AHSA1: variants seen among roughly 807,000 people sequenced by gnomAD.
AHSA1 encodes activator of HSP90 ATPase activity 1.
Under a neutral mutation model 46.1 loss-of-function variants are expected in AHSA1, and 14 were observed. The ratio of observed to expected loss-of-function variants is 0.30; its 90% confidence interval spans 0.20 to 0.47. AHSA1 has a LOEUF of 0.47. Among genes scored for constraint, AHSA1 ranks in the 20% least tolerant of loss-of-function variants. The pLI, the probability that AHSA1 is intolerant of heterozygous loss-of-function variation, is 0.99. For synonymous variants in AHSA1, 147 were observed against 145.8 expected, an observed-to-expected ratio of 1.01 and a Z score of -0.06; for missense variants, 333 against 415.9, an observed-to-expected ratio of 0.80 and a Z score of 1.73.
intron 6 of AHSA1, 60 bp downstream of exon 6, chr14:77,465,727 G>A: frequency 6.3e-7 from 1 of 1,578,450 alleles, no homozygotes; most frequent in South Asian, 1.1e-5. Flanking sequence ...ACTTGAGTTG[G>A]GGGCATATCC....
intron 2 of AHSA1, 130 bp downstream of exon 2, chr14:77,459,936 A>T (rs1486570313): frequency 2.0e-6 from 2 of 999,558 alleles, no homozygotes; most frequent in African/African-American, 3.2e-5. Flanking sequence ...TTGGAGTCCT[A>T]TGTAAAGCAG....
Position 77,458,178 on chromosome 14 carries a change from A to G in AHSA1, c.-12A>G. 1 of 1,523,474 alleles carries G rather than the reference A, an allele frequency of 6.6e-7. No homozygotes were observed. Among genetic ancestry groups the G allele is most frequent in the Non-Finnish European group, 8.8e-7 (1 of 1,137,498 alleles). 94.4% of individuals were successfully genotyped at this position (1,523,474 alleles called of 1,614,324 possible). A position where few individuals can be genotyped will look rare whatever the true frequency, so the allele number is the denominator to read the frequency against. ...CTGCTCCGGAGCTGGTGGCGCCGCG[A>G]TAGGAGAGCCGATGGCCAAGTGGGG... is the stretch of plus-strand genomic sequence containing the variant. On this transcript the variant is annotated 5_prime_UTR_variant, in exon 1 of 9. Transcript: ENST00000216479.
intron 2 of AHSA1, chr14:77,460,089 C>T: frequency 2.2e-6 from 1 of 446,432 alleles, no homozygotes; most frequent in South Asian, 2.2e-5. Context: ...GATGATATTT[C>T]TTCAGACTAG....
chr14:77,465,389 C>A, intron 5 of AHSA1, 150 bp from the exon 6 acceptor site: 1 of 835,596 alleles, frequency 1.2e-6, no homozygotes, highest in Non-Finnish European at 1.8e-6. Context: ...GAAACACCTA[C>A]ACACTCAAAT....
rs1354535132 is a variant in AHSA1 at position 77,469,424 on chromosome 14, A to G, written c.*175A>G. On this transcript the variant is annotated 3_prime_UTR_variant, in exon 9 of 9. Coordinates refer to ENST00000216479, the MANE Select transcript of AHSA1 (RefSeq NM_012111.3). The stretch of plus-strand genomic sequence containing the variant: ...TTCTGCTGGGTGGGTTCAGAGGGCA[A>G]TTTCTCTTTTATGTGTACATATGCT... 11 of 641,200 alleles carry G rather than the reference A, an allele frequency of 1.7e-5. No individual in the cohort carries two copies. Among genetic ancestry groups the G allele is most frequent in the Admixed American group, 3.1e-5 (1 of 32,382 alleles). The allele number at this position is 641,200 out of a possible 1,614,324, so 39.7% of individuals were successfully genotyped here. A position where few individuals can be genotyped will look rare whatever the true frequency, so the allele number is the denominator to read the frequency against.
chr14:77,459,788 G>A lies in AHSA1; in HGVS notation c.253G>A (p.Val85Ile), dbSNP rs370934622. The change falls in exon 2 of 9, where the codon GTC becomes ATC. Residue 85 changes from valine to isoleucine, a missense_variant. Coordinates refer to ENST00000216479, the MANE Select transcript of AHSA1 (RefSeq NM_012111.3). ...ACTTATCTTCTTTTATGAATGGAGC[G>A]TCAAACTAAACTGGACAGGTAAGTC... ...GKLIFFYEWSVKLNWTGTSKS... is the reference protein window; with the variant it reads ...GKLIFFYEWSIKLNWTGTSKS... 11 of 1,614,100 alleles carry A rather than the reference G, an allele frequency of 6.8e-6. No homozygotes were observed. The highest frequency in any genetic ancestry group is 9.3e-6 in the Non-Finnish European group (11 of 1,180,046).
rs1412088862 is a variant in AHSA1, at chr14:77,469,186, C to CTGG, written c.955_957dup (p.Trp319dup). 1 of 1,614,044 alleles carries CTGG rather than the reference C, an allele frequency of 6.2e-7. No homozygotes were observed. ...CTGAGGAAGAGCGGACGCGACAGGGCTGGCAGCGGTACTACTTTGAGGGCA... is the reference window on the plus strand; with the variant it reads ...CTGAGGAAGAGCGGACGCGACAGGGCTGGTGGCAGCGGTACTACTTTGAGGGCA... On this transcript the variant is annotated inframe_insertion, in exon 9 of 9. Coordinates refer to ENST00000216479, the MANE Select transcript of AHSA1 (RefSeq NM_012111.3).
intron 3 of AHSA1, 42 bp downstream of exon 3, chr14:77,462,284 C>G: frequency 6.4e-7 from 1 of 1,555,284 alleles, no homozygotes; most frequent in East Asian, 2.2e-5. Flanking sequence ...TCTATATCCT[C>G]TTATTCTCAG....
intron 5 of AHSA1, 123 bp downstream of exon 5, chr14:77,464,809 A>G: frequency 1.3e-6 from 1 of 798,656 alleles, no homozygotes; most frequent in Non-Finnish European, 2.0e-6. Flanking sequence ...CGATCTGCTC[A>G]TGGTGCTTTT....
chr14:77,468,721 C>CT (rs572116649), intron 8 of AHSA1: 4,260 of 223,420 alleles, frequency 0.019, 60 homozygotes, highest in Middle Eastern at 0.025. Context: ...ACCATGCCAG[C>CT]TTTTTTTTTT....
intron 3 of AHSA1, 72 bp downstream of exon 3, chr14:77,462,314 A>T (rs1002616016): frequency 2.1e-6 from 3 of 1,426,954 alleles, no homozygotes; most frequent in African/African-American, 2.8e-5. Context: ...GTGACCTGTC[A>T]TTCAGGATTC....
In AHSA1 at chr14:77,465,638, G is replaced by A. The variant is rs745821829; in HGVS notation, c.661G>A (p.Glu221Lys). The A allele has an allele frequency of 1.9e-6, 3 of 1,613,708 alleles. No homozygotes were observed. The highest frequency in any genetic ancestry group is 1.3e-5 in the African/African-American group (1 of 74,914). ...LKETFLTSPEELYRVFTTQEL... is the reference protein window; with the variant it reads ...LKETFLTSPEKLYRVFTTQEL... ...GGAAACCTTCCTGACGTCACCAGAG[G>A]AGCTCTATAGAGTGTTTACCACCCA... The change falls in exon 6 of 9, where the codon GAG becomes AAG. Residue 221 changes from glutamate to lysine, a missense_variant. By Grantham distance (56) the Glu-to-Lys change is moderately conservative (BLOSUM62 1). Transcript: ENST00000216479.
chr14:77,463,455 G>A (rs2079034272), intron 4 of AHSA1, among the ~76,000 whole-genome samples: 2 of 151,394 alleles, frequency 1.3e-5, no homozygotes, highest in Admixed American at 6.6e-5. Flanking sequence ...GCATGGTGGT[G>A]CATGCTTGTA....
intron 4 of AHSA1, 50 bp downstream of exon 4, chr14:77,462,809 T>TA (rs1434644542): frequency 1.3e-6 from 2 of 1,504,086 alleles, no homozygotes; most frequent in Non-Finnish European, 1.9e-6. Context: ...TTCCACCTGT[T>TA]AGACTCTGGT....
Position 77,465,595 on chromosome 14 carries a change from T to A in AHSA1, c.618T>A (p.Thr206=). 6.2e-7 allele frequency: 1 copy of A among 1,614,060 alleles called. No individual in the cohort carries two copies. The highest frequency in any genetic ancestry group is 8.5e-7 in the Non-Finnish European group (1 of 1,179,904). Residue 206 remains threonine, a synonymous_variant, in exon 6 of 9, where the codon ACT becomes ACA. Coordinates refer to ENST00000216479, the MANE Select transcript of AHSA1 (RefSeq NM_012111.3). ...QARPVGVKIP[T]CKITLKETFL... ...GACCTGTTGGAGTCAAAATCCCCAC[T>A]TGTAAGATCACTCTTAAGGAAACCT...
At chr14:77,462,451 G>A (rs2079029833) in intron 3 of AHSA1, 191 bp from the exon 4 acceptor site, 1 of 717,332 alleles carries the variant, frequency 1.4e-6, no homozygotes, top group Non-Finnish European at 2.4e-6. Context: ...CTAGTGACAT[G>A]GGTTCTAACT....
chr14:77,459,671 G>A lies in AHSA1; in HGVS notation c.136G>A (p.Ala46Thr), dbSNP rs2079013133. 1.9e-6 allele frequency: 3 copies of A among 1,614,194 alleles called. No homozygotes were observed. Among genetic ancestry groups the A allele is most frequent in the African/African-American group, 1.3e-5 (1 of 75,036 alleles). ...STDKLKTLFLAVQVQNEEGKC... is the reference protein window; with the variant it reads ...STDKLKTLFLTVQVQNEEGKC... ...GGATAAGCTGAAAACACTGTTCCTG[G>A]CAGTGCAGGTTCAAAATGAAGAAGG... Residue 46 changes from alanine (A) to threonine (T), a missense_variant, in exon 2 of 9, where the codon GCA becomes ACA. Transcript: ENST00000216479.
At position 77,468,518 on chromosome 14, in the gene AHSA1, C is replaced by CATATTT; in HGVS notation, c.844+13_844+18dup. ...AAATCTTGGCCAGAGGGTAAGTAAACATATTTATTGCCATTACCCCCAGAA... is the reference window on the plus strand; with the variant it reads ...AAATCTTGGCCAGAGGGTAAGTAAACATATTTATATTTATTGCCATTACCCCCAGAA... On this transcript the variant is annotated intron_variant, in intron 8 of 8. Transcript: ENST00000216479. The CATATTT allele has an allele frequency of 1.3e-6, 2 of 1,544,652 alleles. No individual in the cohort carries two copies. The highest frequency in any genetic ancestry group is 1.8e-6 in the Non-Finnish European group (2 of 1,118,834).
At chr14:77,459,840 T>C (rs1313189833) in intron 2 of AHSA1, 34 bp downstream of exon 2, 2 of 1,609,564 alleles carry the variant, frequency 1.2e-6, no homozygotes. Flanking sequence ...AGAGATTAAC[T>C]GTGTTTTGTT....
Sources: gnomAD v4.1 joint callset for allele counts (sites outside exome capture counted in the v4.1 genomes callset) on GRCh38, gnomAD v4.1.1 for gene constraint, MANE v1.5 for transcripts, NCBI Gene and HGNC (gene_info 2026-07-23, HGNC 2026-07-21) for gene names.